P2RY8: variants seen among roughly 807,000 people sequenced by gnomAD.
P2RY8 encodes the protein P2Y receptor family member 8, also known as S-geranylgeranyl-glutathione receptor P2RY8.
Under a neutral mutation model 10.0 loss-of-function variants are expected in P2RY8, and 6 were observed. That is an observed-to-expected ratio of 0.60 (90% CI 0.33 to 1.19). P2RY8 has a LOEUF of 1.19. P2RY8 is among the 50% of genes most tolerant of loss of function. The pLI, the probability that P2RY8 is intolerant of heterozygous loss-of-function variation, is 0.04. For missense variants in P2RY8, 456 were observed against 542.0 expected (o/e 0.84, Z 1.58); for synonymous variants, 276 against 252.5 (o/e 1.09, Z -0.88).
rs781687066 is a variant in P2RY8 at position 1,466,586 on chromosome X, C to G, written c.-24-4G>C. Reference sequence around the variant, plus strand: ...TGGAGGGGTCCTCGCCCGGGCTCTGCAAGGGAAGGAGGGAAGGGTGTACGG... The same window carrying G: ...TGGAGGGGTCCTCGCCCGGGCTCTGGAAGGGAAGGAGGGAAGGGTGTACGG... On this transcript the variant is annotated splice_region_variant and splice_polypyrimidine_tract_variant and intron_variant, in intron 1 of 1. Transcript: ENST00000381297. 1.9e-6 allele frequency: 3 copies of G among 1,587,474 alleles called. No homozygotes were observed. Among genetic ancestry groups the G allele is most frequent in the Non-Finnish European group, 2.6e-6 (3 of 1,170,560 alleles).
intron 1 of P2RY8, among the ~76,000 whole-genome samples, chrX:1,479,030 C>A (rs1429235887): frequency 2.6e-5 from 4 of 152,192 alleles, no homozygotes; most frequent in African/African-American, 9.7e-5. Flanking sequence ...TTCTGAACTT[C>A]CAGACACCAT....
chrX:1,483,071 T>C (rs2091954164), intron 1 of P2RY8, among the ~76,000 whole-genome samples: 1 of 152,124 alleles, frequency 6.6e-6, no homozygotes, highest in Admixed American at 6.6e-5. Context: ...TGTGCACATG[T>C]ACCCTAAAAC....
Position 1,525,895 on chromosome X carries a change from CTCATCCATCCTTCCAT to C in P2RY8, c.-25+11010_-25+11025del, listed in dbSNP as rs1603458605. On this transcript the variant is annotated intron_variant, in intron 1 of 1. Transcript: ENST00000381297. Reference sequence around the variant, plus strand: ...CATTCATTTATTCCTTATCCATCCACTCATCCATCCTTCCATTCATCCATCCATCCATCCATTCAGT... The same window carrying C: ...CATTCATTTATTCCTTATCCATCCACTCATCCATCCATCCATCCATTCAGT... Among the ~76,000 whole-genome samples, 7 of 151,696 alleles carry C rather than the reference CTCATCCATCCTTCCAT, an allele frequency of 4.6e-5. No homozygotes were observed. The South Asian group carries it at 1.5e-3, about 32-fold the overall frequency.
intron 1 of P2RY8, among the ~76,000 whole-genome samples, chrX:1,530,957 A>G (rs1966848346): frequency 6.6e-6 from 1 of 151,018 alleles, no homozygotes; most frequent in African/African-American, 2.4e-5. Flanking sequence ...TATCTAATCT[A>G]TTTATCCATG....
At chrX:1,512,471 T>A (rs1286478927) in intron 1 of P2RY8, among the ~76,000 whole-genome samples, 6 of 136,000 alleles carry the variant, frequency 4.4e-5, no homozygotes, top group Admixed American at 2.6e-4. Context: ...CGCTTGAACC[T>A]GGGAGGTGGA....
intron 1 of P2RY8, among the ~76,000 whole-genome samples, chrX:1,531,285 G>A (rs1213322096): frequency 1.3e-5 from 2 of 152,232 alleles, no homozygotes; most frequent in Admixed American, 6.5e-5. Flanking sequence ...CCACCACAGG[G>A]AATTCCCCCG....
At chrX:1,528,493 G>A (rs1164746954) in intron 1 of P2RY8, among the ~76,000 whole-genome samples, 2 of 152,220 alleles carry the variant, frequency 1.3e-5, no homozygotes, top group Non-Finnish European at 2.9e-5. Context: ...ATCCTCATAC[G>A]ACATCTTCAA....
intron 1 of P2RY8, among the ~76,000 whole-genome samples, chrX:1,518,730 C>G (rs555937695): frequency 1.3e-5 from 2 of 151,920 alleles, no homozygotes; most frequent in African/African-American, 4.8e-5. Flanking sequence ...CGCCAATATT[C>G]TCTCTAATCC....
intron 1 of P2RY8, among the ~76,000 whole-genome samples, chrX:1,530,654 C>A (rs2092468211): frequency 6.6e-6 from 1 of 150,814 alleles, no homozygotes. Flanking sequence ...TCTCATCTAT[C>A]TATGTATCTC....
At chrX:1,512,244 G>A (rs2092303123) in intron 1 of P2RY8, among the ~76,000 whole-genome samples, 1 of 152,026 alleles carries the variant, frequency 6.6e-6, no homozygotes, top group African/African-American at 2.4e-5. Flanking sequence ...CTGTTCTCAC[G>A]CTGCTAATAA....
intron 1 of P2RY8, among the ~76,000 whole-genome samples, chrX:1,505,274 T>C (rs1194739356): frequency 6.6e-6 from 1 of 152,042 alleles, no homozygotes; most frequent in African/African-American, 2.4e-5. Context: ...CAAAAACGGA[T>C]GAGACTGTGG....
At chrX:1,513,953 C>A (rs1244867034) in intron 1 of P2RY8, among the ~76,000 whole-genome samples, 1 of 152,206 alleles carries the variant, frequency 6.6e-6, no homozygotes, top group Non-Finnish European at 1.5e-5. Flanking sequence ...TCATCCCAAA[C>A]CCTTAAATCA....
intron 1 of P2RY8, among the ~76,000 whole-genome samples, chrX:1,510,218 T>G (rs1262505335): frequency 6.6e-6 from 1 of 152,216 alleles, no homozygotes; most frequent in African/African-American, 2.4e-5. Context: ...CCTCAATATC[T>G]ATCAATCATC....
At chrX:1,473,796 G>A (rs375774729) in intron 1 of P2RY8, among the ~76,000 whole-genome samples, 588 of 145,948 alleles carry the variant, frequency 4.0e-3, no homozygotes, top group African/African-American at 0.014. Context: ...TGAATGGTGG[G>A]TGGGTTTGTG....
At chrX:1,498,187 G>A (rs1319860884) in intron 1 of P2RY8, among the ~76,000 whole-genome samples, 39 of 151,818 alleles carry the variant, frequency 2.6e-4, no homozygotes, top group South Asian at 1.2e-3. Context: ...CGGGCAGATC[G>A]CGAGGTCAGG....
chrX:1,523,986 C>T (rs768172014), intron 1 of P2RY8, among the ~76,000 whole-genome samples: 2 of 152,230 alleles, frequency 1.3e-5, no homozygotes, highest in Non-Finnish European at 1.5e-5. Context: ...CCACTGTGCC[C>T]GGCAAAGATG....
rs867008667 is a variant in P2RY8, at chrX:1,532,355, A to G, written c.-25+4566T>C. 1.2e-3 allele frequency among the ~76,000 whole-genome samples: 170 copies of G among 138,508 alleles called. 5 individuals are homozygous for G. Among genetic ancestry groups the G allele is most frequent in the Admixed American group, 9.3e-3 (129 of 13,842 alleles). The allele number at this position is 138,508 out of a possible 152,430, so 90.9% of individuals were successfully genotyped here. A position where few individuals can be genotyped will look rare whatever the true frequency, so the allele number is the denominator to read the frequency against. ...ATACACATATATGTATATGATGTGT[A>G]TATATACACATATACGTATATGATG... On this transcript the variant is annotated intron_variant, in intron 1 of 1. Transcript: ENST00000381297.
chrX:1,532,320 A>ACG (rs2092480957), intron 1 of P2RY8, among the ~76,000 whole-genome samples: 1 of 32,724 alleles, frequency 3.1e-5, no homozygotes, highest in Non-Finnish European at 1.1e-4. Flanking sequence ...ATATATACAC[A>ACG]CACGTATATA....
intron 1 of P2RY8, among the ~76,000 whole-genome samples, chrX:1,477,196 AAAAAAG>A (rs2091884540): frequency 5.7e-5 from 2 of 35,048 alleles, no homozygotes; most frequent in South Asian, 1.6e-3. Flanking sequence ...CTCAAAAAAA[AAAAAAG>A]AAGAAGAAGA....
Sources: gnomAD v4.1 joint callset for allele counts (sites outside exome capture counted in the v4.1 genomes callset) on GRCh38, gnomAD v4.1.1 for gene constraint, MANE v1.5 for transcripts, NCBI Gene and HGNC (gene_info 2026-07-23, HGNC 2026-07-21) for gene names.